The following SYNPR variants were observed in gnomAD, a reference collection of about 807,000 sequenced individuals.
SYNPR encodes the protein synaptoporin.
In SYNPR, 23 loss-of-function variants were observed where a neutral mutation model predicts 32.9. The ratio of observed to expected loss-of-function variants is 0.70; its 90% CI spans 0.50 to 0.99. The LOEUF (loss-of-function observed/expected upper bound fraction) is 0.99, where lower values mean the gene tolerates loss of function less well. Ranked by LOEUF, SYNPR falls within the 50% of genes least tolerant of loss-of-function variation. The pLI is 0.00. For synonymous variants in SYNPR, 146 were observed against 135.9 expected, an observed-to-expected ratio of 1.07 and a Z score of -0.52; for missense variants, 318 against 349.3, an observed-to-expected ratio of 0.91 and a Z score of 0.71.
upstream of SYNPR, among the ~76,000 whole-genome samples, chr3:63,225,369 T>C (rs1484382747): frequency 6.6e-6 from 1 of 152,138 alleles, no homozygotes; most frequent in African/African-American, 2.4e-5. Context: ...CTGTGCTGCA[T>C]TTACCAACAG....
At chr3:63,608,291 T>C (rs1700152213) in intron 4 of SYNPR, among the ~76,000 whole-genome samples, 2 of 152,144 alleles carry the variant, frequency 1.3e-5, no homozygotes, top group Non-Finnish European at 2.9e-5. Flanking sequence ...AAAAGCTTCT[T>C]TCCCCTGCGA....
At chr3:63,311,236 G>C (rs2086960790) in intron 2 of SYNPR, among the ~76,000 whole-genome samples, 1 of 151,904 alleles carries the variant, frequency 6.6e-6, no homozygotes, top group Non-Finnish European at 1.5e-5. Flanking sequence ...TTGTCAGTTT[G>C]GGAAATTTTA....
intron 2 of SYNPR, among the ~76,000 whole-genome samples, chr3:63,365,985 C>T (rs1215027378): frequency 1.3e-5 from 2 of 152,168 alleles, no homozygotes; most frequent in East Asian, 3.9e-4. Context: ...CTTTCCTTTG[C>T]TGCAGCAATA....
rs553509210 is a variant in SYNPR, at chr3:63,430,386, A to T, written c.85-50446A>T. ...TACACACACACACACACACACACAC[A>T]CACACACACAACCTTATCCTCATGG... is the stretch of plus-strand genomic sequence containing the variant. On this transcript the variant is annotated intron_variant, in intron 2 of 5. Transcript: ENST00000478300. Among the ~76,000 whole-genome samples the T allele has an allele frequency of 3.7e-5, 5 of 134,516 alleles. No individual in the cohort carries two copies. In the South Asian group the frequency reaches 1.1e-3, roughly 31 times the overall value. The allele number at this position is 134,516 out of a possible 152,430, so 88.2% of individuals were successfully genotyped here. A position where few individuals can be genotyped will look rare whatever the true frequency, so the allele number is the denominator to read the frequency against.
intron 4 of SYNPR, among the ~76,000 whole-genome samples, chr3:63,562,058 T>C (rs1702700036): frequency 6.6e-6 from 1 of 152,166 alleles, no homozygotes; most frequent in Non-Finnish European, 1.5e-5. Flanking sequence ...TACAGATAAA[T>C]AAATATCAGC....
At chr3:63,272,049 G>T (rs1390660270) in intron 3 of SYNPR, among the ~76,000 whole-genome samples, 2 of 152,192 alleles carry the variant, frequency 1.3e-5, no homozygotes, top group Admixed American at 1.3e-4. Context: ...CTTCTTAAAA[G>T]TATATGTTGT....
At chr3:63,311,096 G>A (rs1354418068) in intron 2 of SYNPR, among the ~76,000 whole-genome samples, 1 of 151,896 alleles carries the variant, frequency 6.6e-6, no homozygotes, top group Non-Finnish European at 1.5e-5. Context: ...GAAAGTGGTG[G>A]CTTTTTTTTG....
chr3:63,249,058 C>G (rs987334115), intron 1 of SYNPR, among the ~76,000 whole-genome samples: 2 of 151,976 alleles, frequency 1.3e-5, no homozygotes, highest in Non-Finnish European at 2.9e-5. Flanking sequence ...CCTTCCCAAA[C>G]AAAAGTAAAT....
At chr3:63,500,453 T>C (rs1295321699) in intron 3 of SYNPR, among the ~76,000 whole-genome samples, 1 of 152,024 alleles carries the variant, frequency 6.6e-6, no homozygotes, top group Non-Finnish European at 1.5e-5. Flanking sequence ...ATAAAATGAG[T>C]ACAATATCAG....
At chr3:63,406,355 T>G (rs2088359444) in intron 2 of SYNPR, among the ~76,000 whole-genome samples, 1 of 152,200 alleles carries the variant, frequency 6.6e-6, no homozygotes, top group Non-Finnish European at 1.5e-5. Context: ...TAATGAACAC[T>G]TAAGCATGGG....
At chr3:63,251,205 G>A (rs1459673353) in intron 1 of SYNPR, among the ~76,000 whole-genome samples, 1 of 152,060 alleles carries the variant, frequency 6.6e-6, no homozygotes, top group Non-Finnish European at 1.5e-5. Flanking sequence ...AAATAAATAT[G>A]CATGAAATTC....
At chr3:63,369,912 G>C (rs1211689204) in intron 2 of SYNPR, among the ~76,000 whole-genome samples, 2 of 152,056 alleles carry the variant, frequency 1.3e-5, no homozygotes, top group Non-Finnish European at 2.9e-5. Context: ...CCTCACCTAA[G>C]GAATCCAAAG....
At chr3:63,255,856 G>A (rs145685609) in intron 2 of SYNPR, among the ~76,000 whole-genome samples, 4,346 of 152,282 alleles carry the variant, frequency 0.029, 88 homozygotes, top group Non-Finnish European at 0.039. Flanking sequence ...CTGGAAAACC[G>A]GGTCACTCCC....
At position 63,310,064 on chromosome 3, in the gene SYNPR, G is replaced by C. The variant is rs573581240; in HGVS notation, c.84+31322G>C. 2.6e-5 allele frequency among the ~76,000 whole-genome samples: 4 copies of C among 151,872 alleles called. No individual in the cohort carries two copies. In the East Asian group the frequency reaches 7.9e-4, roughly 30 times the overall value. On this transcript the variant is annotated intron_variant, in intron 2 of 5. Transcript: ENST00000478300. Reference sequence around the variant, plus strand: ...GATACCCCATACCCAGCTCAGTTTAGGGAAGAGCTACCCCCTACCAAGCCC... The same window carrying C: ...GATACCCCATACCCAGCTCAGTTTACGGAAGAGCTACCCCCTACCAAGCCC...
At chr3:63,308,492 T>G (rs1481557798) in intron 2 of SYNPR, among the ~76,000 whole-genome samples, 3 of 151,964 alleles carry the variant, frequency 2.0e-5, no homozygotes, top group African/African-American at 4.8e-5. Context: ...TCTTTTGTAG[T>G]GTATGTCTGT....
intron 3 of SYNPR, among the ~76,000 whole-genome samples, chr3:63,533,200 C>T (rs533632122): frequency 7.2e-5 from 11 of 152,064 alleles, no homozygotes; most frequent in Non-Finnish European, 1.3e-4. Flanking sequence ...CCTTAATAGA[C>T]ATTTATTGAA....
rs577955243 is a variant in SYNPR at position 63,416,269 on chromosome 3, G to A, written c.85-64563G>A. Among the ~76,000 whole-genome samples, 9 of 152,242 alleles carry A rather than the reference G, an allele frequency of 5.9e-5. No homozygotes were observed. In the East Asian group the frequency reaches 1.5e-3, roughly 26 times the overall value. On this transcript the variant is annotated intron_variant, in intron 2 of 5. Coordinates refer to ENST00000478300, the MANE Select transcript of SYNPR (RefSeq NM_001130003.2). ...CCTTTGGCTGGCTACTCTGGCTCAC[G>A]CCTGTAATCCCAGCACTTTGGGAGG... is the stretch of plus-strand genomic sequence containing the variant.
rs1700015691 is a variant in SYNPR, at chr3:63,432,755, G to T, written c.85-48077G>T. 2.0e-5 allele frequency among the ~76,000 whole-genome samples: 3 copies of T among 152,174 alleles called. No individual in the cohort carries two copies. In the South Asian group the frequency reaches 6.2e-4, roughly 32 times the overall value. ...CTGCAGGCAGCTTCTCTCACCTTTG[G>T]TGAGACTCCCCTTCCTGCTCAGAGC... On this transcript the variant is annotated intron_variant, in intron 2 of 5. Transcript: ENST00000478300.
chr3:63,388,556 T>TG (rs2088086193), intron 2 of SYNPR, among the ~76,000 whole-genome samples: 1 of 128,018 alleles, frequency 7.8e-6, no homozygotes, highest in African/African-American at 3.0e-5. Flanking sequence ...CCCGGCTAAT[T>TG]TGTGTGTGTG....
Sources: allele counts gnomAD v4.1 joint callset (sites outside exome capture counted in the v4.1 genomes callset), GRCh38; gene constraint gnomAD v4.1.1; transcripts MANE v1.5; gene names NCBI Gene and HGNC (gene_info 2026-07-23, HGNC 2026-07-21).